The following RAMP1 variants were observed in gnomAD, a reference collection of about 807,000 sequenced individuals.
RAMP1 encodes the protein receptor activity modifying protein 1.
A neutral mutation model predicts 8.2 loss-of-function variants in RAMP1; 7 were observed. The observed-to-expected ratio is 0.85, with a 90% CI of 0.49 to 1.60. RAMP1 has a LOEUF of 1.60. Ranked by LOEUF, RAMP1 falls within the 40% of genes most tolerant of loss-of-function variation. The probability of loss-of-function intolerance (pLI) is 0.00; values close to 1 mark genes in which losing one functional copy is unlikely to be tolerated. For missense variants in RAMP1, 192 were observed against 202.4 expected, an observed-to-expected ratio of 0.95 and a Z score of 0.31; for synonymous variants, 92 against 84.7, an observed-to-expected ratio of 1.09 and a Z score of -0.47.
At chr2:237,879,058 T>C (rs2062338714) in intron 2 of RAMP1, among the ~76,000 whole-genome samples, 1 of 152,118 alleles carries the variant, frequency 6.6e-6, no homozygotes, top group South Asian at 2.1e-4. Context: ...GAAAAATGAG[T>C]TGAGTGGGAA....
intron 2 of RAMP1, among the ~76,000 whole-genome samples, chr2:237,908,086 T>C (rs2062670201): frequency 6.6e-6 from 1 of 152,248 alleles, no homozygotes. Context: ...GTCATTGCCT[T>C]GTGCCCAGGG....
rs1240849698 is a variant in RAMP1, at chr2:237,878,869, C to G, written c.191+1507C>G. ...GTTCAGGTGGGAGAGTTGGTGCTCC[C>G]GAAGGTGGGAGGGCCAAAGTCACGG... On this transcript the variant is annotated intron_variant, in intron 2 of 2. Transcript: ENST00000254661. This position sits in a 1 kb window ranked among gnomAD's most constrained non-coding sequence, Gnocchi z 5.7. Among the ~76,000 whole-genome samples the G allele has an allele frequency of 6.6e-6, 1 of 152,234 alleles. No homozygotes were observed. Among genetic ancestry groups the G allele is most frequent in the East Asian group, 1.9e-4 (1 of 5,198 alleles).
In RAMP1 at chr2:237,878,870, G is replaced by A. The variant is rs148133196; in HGVS notation, c.191+1508G>A. ...TTCAGGTGGGAGAGTTGGTGCTCCCGAAGGTGGGAGGGCCAAAGTCACGGC... is the reference window on the plus strand; with the variant it reads ...TTCAGGTGGGAGAGTTGGTGCTCCCAAAGGTGGGAGGGCCAAAGTCACGGC... On this transcript the variant is annotated intron_variant, in intron 2 of 2. Coordinates refer to ENST00000254661, the MANE Select transcript of RAMP1 (RefSeq NM_005855.4). The surrounding 1 kb of genome is among the most constrained non-coding windows in gnomAD (Gnocchi z 5.7). Among the ~76,000 whole-genome samples, 2 of 152,222 alleles carry A rather than the reference G, an allele frequency of 1.3e-5. No individual in the cohort carries two copies. Among genetic ancestry groups the A allele is most frequent in the African/African-American group, 4.8e-5 (2 of 41,460 alleles).
intron 2 of RAMP1, among the ~76,000 whole-genome samples, chr2:237,891,447 G>A (rs964587199): frequency 2.6e-5 from 4 of 152,188 alleles, no homozygotes. Flanking sequence ...ACCGCGCCCA[G>A]CCCATTGTAT....
chr2:237,875,386 G>A (rs188278123), intron 1 of RAMP1, among the ~76,000 whole-genome samples: 27 of 151,910 alleles, frequency 1.8e-4, no homozygotes, highest in African/African-American at 6.3e-4. Flanking sequence ...GTGTCCCCGG[G>A]GTGCCCGGAG....
intron 1 of RAMP1, among the ~76,000 whole-genome samples, chr2:237,870,695 C>T (rs1017772387): frequency 2.6e-5 from 4 of 152,072 alleles, no homozygotes; most frequent in East Asian, 1.9e-4. Flanking sequence ...GAATGGCAGT[C>T]GGGGGCAGGA....
chr2:237,867,096 A>G (rs1440147806), intron 1 of RAMP1, among the ~76,000 whole-genome samples: 1 of 152,122 alleles, frequency 6.6e-6, no homozygotes, highest in Non-Finnish European at 1.5e-5. Context: ...TAGACCCAGC[A>G]TGGTATCTCA....
intron 1 of RAMP1, among the ~76,000 whole-genome samples, chr2:237,861,851 C>CA (rs11384578): frequency 0.35 from 48,351 of 138,070 alleles, 8,068 homozygotes; most frequent in Middle Eastern, 0.54. Context: ...AACTCCGTCT[C>CA]AAAAAAAAAA....
At chr2:237,907,001 G>A (rs1412061566) in intron 2 of RAMP1, among the ~76,000 whole-genome samples, 1 of 152,162 alleles carries the variant, frequency 6.6e-6, no homozygotes, top group Non-Finnish European at 1.5e-5. Context: ...GGAATCACAG[G>A]TGTGAGCCAA....
chr2:237,903,527 CT>C (rs56183316), intron 2 of RAMP1, among the ~76,000 whole-genome samples: 11,737 of 151,298 alleles, frequency 0.078, 535 homozygotes, highest in African/African-American at 0.12. Context: ...GCATTATTTT[CT>C]TTTTTTTTGA....
rs528091453 is a variant in RAMP1 at position 237,886,735 on chromosome 2, C to T, written c.191+9373C>T. Among the ~76,000 whole-genome samples the T allele has an allele frequency of 5.0e-4, 76 of 152,356 alleles. No individual in the cohort carries two copies. The Middle Eastern group carries it at 0.014, about 27-fold the overall frequency. ...GAGCGTGGCACTGAGCCCACCATGG[C>T]GTCTTTCCCATCAGGTGATTAACTG... On this transcript the variant is annotated intron_variant, in intron 2 of 2. Coordinates refer to ENST00000254661, the MANE Select transcript of RAMP1 (RefSeq NM_005855.4).
At chr2:237,886,814 G>A (rs139194111) in intron 2 of RAMP1, among the ~76,000 whole-genome samples, 196 of 152,338 alleles carry the variant, frequency 1.3e-3, no homozygotes, top group African/African-American at 4.4e-3. Context: ...GTGCGTCAAC[G>A]CGAAAGGTCA....
intron 1 of RAMP1, among the ~76,000 whole-genome samples, chr2:237,872,856 C>T (rs2062260780): frequency 1.3e-5 from 2 of 152,166 alleles, no homozygotes; most frequent in Admixed American, 1.3e-4. Flanking sequence ...CCCATCTCTA[C>T]AAAAAATAGA....
In RAMP1 at chr2:237,877,448, T is replaced by C. The variant is rs530531134; in HGVS notation, c.191+86T>C. 2.6e-6 allele frequency: 4 copies of C among 1,516,680 alleles called. No homozygotes were observed. The South Asian group carries it at 3.9e-5, about 15-fold the overall frequency. The allele number at this position is 1,516,680 out of a possible 1,614,324, so 94.0% of individuals were successfully genotyped here. ...GGAGGAGTGGACCACGTGGGAGCTGTGGAAGATCCTTTCTAGACCCCGGAA... is the reference window on the plus strand; with the variant it reads ...GGAGGAGTGGACCACGTGGGAGCTGCGGAAGATCCTTTCTAGACCCCGGAA... On this transcript the variant is annotated intron_variant, in intron 2 of 2. Transcript: ENST00000254661. This position sits in a 1 kb window ranked among gnomAD's most constrained non-coding sequence, Gnocchi z 4.4.
At chr2:237,882,378 C>A (rs989453878) in intron 2 of RAMP1, among the ~76,000 whole-genome samples, 1 of 152,220 alleles carries the variant, frequency 6.6e-6, no homozygotes, top group African/African-American at 2.4e-5. Flanking sequence ...CGTTTATTAC[C>A]GCGTGCTGGG....
chr2:237,870,408 G>A (rs923007553), intron 1 of RAMP1, among the ~76,000 whole-genome samples: 3 of 152,214 alleles, frequency 2.0e-5, no homozygotes, highest in Non-Finnish European at 2.9e-5. Flanking sequence ...CCCATGCGGC[G>A]CGCTGGTGCT....
At chr2:237,868,848 C>T (rs1014872122) in intron 1 of RAMP1, among the ~76,000 whole-genome samples, 9 of 152,116 alleles carry the variant, frequency 5.9e-5, no homozygotes, top group Admixed American at 2.6e-4. Context: ...TCAGGGGCTC[C>T]GGCTTTTTGG....
At chr2:237,881,149 A>G (rs1424254056) in intron 2 of RAMP1, among the ~76,000 whole-genome samples, 3 of 152,100 alleles carry the variant, frequency 2.0e-5, no homozygotes, top group Non-Finnish European at 2.9e-5. Flanking sequence ...TTCTTATATA[A>G]AGGGTTGTAT....
At chr2:237,911,422 A>G in intron 2 of RAMP1, 106 bp from the exon 3 acceptor site, 6 of 1,470,354 alleles carry the variant, frequency 4.1e-6, no homozygotes, top group Non-Finnish European at 5.5e-6. Flanking sequence ...TCTCCGAGCC[A>G]AGCTTCAGGG....
Sources: allele counts gnomAD v4.1 joint callset (sites outside exome capture counted in the v4.1 genomes callset), GRCh38; gene constraint gnomAD v4.1.1; non-coding constraint Gnocchi (gnomAD v3.1); transcripts MANE v1.5; gene names NCBI Gene and HGNC (gene_info 2026-07-23, HGNC 2026-07-21).